DPP10: variants seen among roughly 807,000 people sequenced by gnomAD.
DPP10 encodes dipeptidyl peptidase like 10, also known as inactive dipeptidyl peptidase 10.
DPP10 carries 33 observed loss-of-function variants against 120.9 expected under a neutral mutation model. The observed-to-expected ratio is 0.27, with a 90% confidence interval of 0.21 to 0.37. The LOEUF is 0.37. Ranked by LOEUF, DPP10 falls within the 10% of genes least tolerant of loss-of-function variation. The probability of loss-of-function intolerance (pLI) is 1.00; values close to 1 mark genes in which losing one functional copy is unlikely to be tolerated. For missense variants in DPP10, 816 were observed against 942.8 expected, an observed-to-expected ratio of 0.87 and a Z score of 1.76; for synonymous variants, 337 against 326.1, an observed-to-expected ratio of 1.03 and a Z score of -0.36.
intron 21 of DPP10, among the ~76,000 whole-genome samples, chr2:115,821,669 G>A (rs998808994): frequency 1.3e-5 from 2 of 151,318 alleles, no homozygotes; most frequent in Non-Finnish European, 3.0e-5. Context: ...TATTTGAATT[G>A]ATTATTTTTT....
At chr2:115,684,692 G>C (rs551028777) in intron 5 of DPP10, among the ~76,000 whole-genome samples, 1 of 151,834 alleles carries the variant, frequency 6.6e-6, no homozygotes, top group East Asian at 1.9e-4. Flanking sequence ...TAAATTACTG[G>C]GATACACTGC....
intron 1 of DPP10, among the ~76,000 whole-genome samples, chr2:115,069,863 T>G (rs1707231870): frequency 6.6e-6 from 1 of 151,806 alleles, no homozygotes; most frequent in South Asian, 2.1e-4. Context: ...TATCTATATA[T>G]ATATGTATAC....
At chr2:115,498,645 T>C (rs2076527417) in intron 3 of DPP10, among the ~76,000 whole-genome samples, 1 of 150,366 alleles carries the variant, frequency 6.7e-6, no homozygotes, top group Non-Finnish European at 1.5e-5. Context: ...AGAGAACATA[T>C]TCAAACCTAC....
chr2:115,581,523 G>A (rs991656456), intron 5 of DPP10, among the ~76,000 whole-genome samples: 5 of 151,896 alleles, frequency 3.3e-5, no homozygotes, highest in African/African-American at 7.3e-5. Context: ...TTGCTCAGCC[G>A]CTCATGCTAC....
chr2:115,834,251 ATTC>A lies in DPP10; in HGVS notation c.1951-1903_1951-1901del, dbSNP rs1559218506. 3.3e-5 allele frequency among the ~76,000 whole-genome samples: 5 copies of A among 152,296 alleles called. No individual in the cohort carries two copies. In the South Asian group the frequency reaches 1.0e-3, roughly 32 times the overall value. ...GATGCTCCAAATACACATAAATGAA[ATTC>A]TTTATTTCTTACTTCAAGAGTTTAG... On this transcript the variant is annotated intron_variant, in intron 21 of 25. Coordinates refer to ENST00000410059, the MANE Select transcript of DPP10 (RefSeq NM_020868.6).
At chr2:115,413,091 G>C (rs72840785) in intron 3 of DPP10, among the ~76,000 whole-genome samples, 1 of 151,932 alleles carries the variant, frequency 6.6e-6, no homozygotes, top group Non-Finnish European at 1.5e-5. Context: ...CTTGACCTAA[G>C]GACCACCCAG....
At chr2:115,384,542 A>T in intron 3 of DPP10, among the ~76,000 whole-genome samples, 1 of 104,658 alleles carries the variant, frequency 9.6e-6, no homozygotes. Flanking sequence ...AGAAAGAAGA[A>T]GAAGGAAGAA....
At chr2:114,820,555 T>C (rs1223232892) in intron 1 of DPP10, among the ~76,000 whole-genome samples, 1 of 152,188 alleles carries the variant, frequency 6.6e-6, no homozygotes, top group Non-Finnish European at 1.5e-5. Flanking sequence ...GAAGTTTAAT[T>C]GACTCACAGT....
intron 1 of DPP10, among the ~76,000 whole-genome samples, chr2:114,556,136 G>A (rs894984502): frequency 4.0e-5 from 6 of 151,304 alleles, no homozygotes; most frequent in Non-Finnish European, 5.9e-5. Context: ...AAGGGCAGCA[G>A]GGAGATGGGT....
intron 1 of DPP10, among the ~76,000 whole-genome samples, chr2:114,564,067 T>A (rs1688989715): frequency 6.6e-6 from 1 of 152,202 alleles, no homozygotes; most frequent in Non-Finnish European, 1.5e-5. Context: ...GATTCCTTTG[T>A]GCTCCATTTT....
At chr2:114,848,857 G>A (rs796948489) in intron 1 of DPP10, among the ~76,000 whole-genome samples, 1 of 152,112 alleles carries the variant, frequency 6.6e-6, no homozygotes, top group African/African-American at 2.4e-5. Context: ...TTATAAACAA[G>A]GGAATTTATT....
intron 1 of DPP10, among the ~76,000 whole-genome samples, chr2:115,179,017 T>G (rs2053895363): frequency 1.3e-5 from 2 of 152,212 alleles, no homozygotes; most frequent in Non-Finnish European, 2.9e-5. Flanking sequence ...ATGGGGATCT[T>G]AACAAATTAA....
intron 1 of DPP10, among the ~76,000 whole-genome samples, chr2:114,537,234 A>G (rs2104778010): frequency 6.6e-6 from 1 of 152,324 alleles, no homozygotes; most frequent in South Asian, 2.1e-4. Context: ...ACAGTCGGCT[A>G]GACTACCGTG....
intron 5 of DPP10, among the ~76,000 whole-genome samples, chr2:115,541,963 C>A (rs181856563): frequency 2.0e-5 from 3 of 151,960 alleles, no homozygotes; most frequent in Admixed American, 6.6e-5. Flanking sequence ...GTATAGAGAC[C>A]TTTGTATTCC....
chr2:114,695,382 T>C (rs2105788641), intron 1 of DPP10, among the ~76,000 whole-genome samples: 1 of 152,188 alleles, frequency 6.6e-6, no homozygotes, highest in Admixed American at 6.6e-5. Flanking sequence ...CCATTGTGCC[T>C]AACACAGTGC....
chr2:114,770,359 T>C (rs1207860728), intron 1 of DPP10, among the ~76,000 whole-genome samples: 2 of 152,178 alleles, frequency 1.3e-5, no homozygotes, highest in Non-Finnish European at 2.9e-5. Flanking sequence ...ACTGTGGTAC[T>C]ATTAATTTAT....
In DPP10 at chr2:115,653,109, A is replaced by G. The variant is rs916363016; in HGVS notation, c.442-36578A>G. Among the ~76,000 whole-genome samples, 2 of 152,148 alleles carry G rather than the reference A, an allele frequency of 1.3e-5. 1 individual carries two copies. Among genetic ancestry groups the G allele is most frequent in the Admixed American group, 1.3e-4 (2 of 15,236 alleles). On this transcript the variant is annotated intron_variant, in intron 5 of 25. Coordinates refer to ENST00000410059, the MANE Select transcript of DPP10 (RefSeq NM_020868.6). Reference sequence around the variant, plus strand: ...AACATTCATTCAATGAATAATTGAGATCATCAGTTAATTAGAGGTGGATAT... The same window carrying G: ...AACATTCATTCAATGAATAATTGAGGTCATCAGTTAATTAGAGGTGGATAT...
At chr2:115,280,674 C>T (rs114940688) in intron 1 of DPP10, among the ~76,000 whole-genome samples, 4,295 of 152,230 alleles carry the variant, frequency 0.028, 196 homozygotes, top group African/African-American at 0.098. Flanking sequence ...GGGCATTAGC[C>T]TTTGCTGCAA....
chr2:115,745,853 C>A (rs1677897643), intron 9 of DPP10, among the ~76,000 whole-genome samples: 1 of 152,128 alleles, frequency 6.6e-6, no homozygotes, highest in East Asian at 1.9e-4. Context: ...GTGAAGTCAT[C>A]ACGATTTCCT....
Sources: allele counts gnomAD v4.1 joint callset (sites outside exome capture counted in the v4.1 genomes callset), GRCh38; gene constraint gnomAD v4.1.1; transcripts MANE v1.5; gene names NCBI Gene and HGNC (gene_info 2026-07-23, HGNC 2026-07-21).